The following CUX2 variants were observed in gnomAD, a reference collection of about 807,000 sequenced individuals.
CUX2 encodes the protein cut like homeobox 2.
In CUX2, 40 loss-of-function variants were observed where a neutral mutation model predicts 144.8. That is an observed-to-expected ratio of 0.28 (90% CI 0.21 to 0.36). The LOEUF (loss-of-function observed/expected upper bound fraction) is 0.36, where lower values mean the gene tolerates loss of function less well. Among genes scored for constraint, CUX2 ranks in the 10% least tolerant of loss-of-function variants. CUX2 has a pLI of 1.00. For synonymous variants in CUX2, 827 were observed against 875.6 expected (o/e 0.94, Z 0.98); for missense variants, 1,615 against 1,994.0 (o/e 0.81, Z 3.62).
intron 4 of CUX2, among the ~76,000 whole-genome samples, chr12:111,286,292 C>T (rs1296660075): frequency 1.3e-5 from 2 of 152,206 alleles, no homozygotes; most frequent in African/African-American, 4.8e-5. Flanking sequence ...CTCCCCCAGT[C>T]CTTAACCACC....
Position 111,304,631 on chromosome 12 carries a change from G to C in CUX2, c.858+317G>C, listed in dbSNP as rs2136358802. On this transcript the variant is annotated intron_variant, in intron 10 of 21. Coordinates refer to ENST00000261726, the MANE Select transcript of CUX2 (RefSeq NM_015267.4). This position sits in a 1 kb window ranked among gnomAD's most constrained non-coding sequence, Gnocchi z 4.7. ...TATCCCCAATTATCCAAGAATGCCA[G>C]GAACTTCCTCAGACCAAAGATCATT... Among the ~76,000 whole-genome samples the C allele has an allele frequency of 6.6e-6, 1 of 152,284 alleles. No individual in the cohort carries two copies. The highest frequency in any genetic ancestry group is 2.1e-4 in the South Asian group (1 of 4,828).
At chr12:111,104,277 T>C (rs904550403) in intron 1 of CUX2, among the ~76,000 whole-genome samples, 2 of 152,128 alleles carry the variant, frequency 1.3e-5, no homozygotes, top group African/African-American at 2.4e-5. Flanking sequence ...CCCCCTCACA[T>C]AGTATAAAAA....
chr12:111,098,694 G>C (rs1178672246), intron 1 of CUX2, among the ~76,000 whole-genome samples: 1 of 152,216 alleles, frequency 6.6e-6, no homozygotes, highest in African/African-American at 2.4e-5. Flanking sequence ...GCTCAGACAA[G>C]AGCAGGAAGC....
chr12:111,275,548 C>T (rs1884833250), intron 4 of CUX2, among the ~76,000 whole-genome samples: 1 of 152,164 alleles, frequency 6.6e-6, no homozygotes, highest in African/African-American at 2.4e-5. Context: ...ATCGCTGGCT[C>T]CAGGCAAGGA....
chr12:111,318,264 C>CT (rs1296845572), intron 16 of CUX2, among the ~76,000 whole-genome samples: 12 of 81,250 alleles, frequency 1.5e-4, no homozygotes, highest in African/African-American at 7.0e-4. Context: ...TTTTTTTTCA[C>CT]TTTTTTGTAG....
chr12:111,050,747 T>G (rs1223819292), intron 1 of CUX2, among the ~76,000 whole-genome samples: 1 of 152,252 alleles, frequency 6.6e-6, no homozygotes, highest in African/African-American at 2.4e-5. Flanking sequence ...TTTGGTCTCC[T>G]AATTTCTTCC....
At chr12:111,104,068 T>C (rs1167497273) in intron 1 of CUX2, among the ~76,000 whole-genome samples, 1 of 152,210 alleles carries the variant, frequency 6.6e-6, no homozygotes, top group Non-Finnish European at 1.5e-5. Context: ...GTGCTTTGAG[T>C]CCTGCCTAAG....
rs775470528 is a variant in CUX2 at position 111,334,730 on chromosome 12, C to T, written c.3196+20C>T. The stretch of plus-strand genomic sequence containing the variant: ...ATCTAGGTACGGAGCGGGTGGGAAT[C>T]GGAGAGGCTGCCTCCCACCTGGGTT... On this transcript the variant is annotated intron_variant, in intron 19 of 21. Coordinates refer to ENST00000261726, the MANE Select transcript of CUX2 (RefSeq NM_015267.4). The T allele has an allele frequency of 6.4e-6, 10 of 1,568,398 alleles. No individual in the cohort carries two copies. The highest frequency in any genetic ancestry group is 4.5e-5 in the East Asian group (2 of 44,280).
Position 111,327,857 on chromosome 12 carries a change from G to A in CUX2, c.2926+5277G>A, listed in dbSNP as rs1235673600. Among the ~76,000 whole-genome samples the A allele has an allele frequency of 2.0e-5, 3 of 152,100 alleles. No homozygotes were observed. The East Asian group carries it at 5.8e-4, about 29-fold the overall frequency. ...GGATCACTTGAGGTCAGGAGTTTGA[G>A]ACCAGCCTGACCAACATGGCAAAAC... On this transcript the variant is annotated intron_variant, in intron 18 of 21. Transcript: ENST00000261726.
chr12:111,127,965 C>A (rs529932133), intron 1 of CUX2, among the ~76,000 whole-genome samples: 1 of 152,132 alleles, frequency 6.6e-6, no homozygotes, highest in African/African-American at 2.4e-5. Flanking sequence ...TGGCCCTGCC[C>A]ATGACATGTG....
chr12:111,301,938 T>G (rs1886314973), intron 9 of CUX2, among the ~76,000 whole-genome samples: 1 of 152,202 alleles, frequency 6.6e-6, no homozygotes, highest in Non-Finnish European at 1.5e-5. Context: ...GAGTTGAATT[T>G]TCAAGGCTTG....
rs775000815 is a variant in CUX2 at position 111,308,533 on chromosome 12, G to A, written c.1258+7G>A. The A allele has an allele frequency of 7.5e-6, 12 of 1,603,836 alleles. No individual in the cohort carries two copies. The highest frequency in any genetic ancestry group is 1.7e-4 in the Middle Eastern group (1 of 6,044). ...AGCCTCCTGGCCAGCCCTGGTAGGG[G>A]AGGAGGATACTCTGGGGCTGAGGGC... On this transcript the variant is annotated splice_region_variant and intron_variant, in intron 14 of 21. Coordinates refer to ENST00000261726, the MANE Select transcript of CUX2 (RefSeq NM_015267.4).
At chr12:111,337,427 A>G (rs754447585) in intron 19 of CUX2, among the ~76,000 whole-genome samples, 17 of 151,998 alleles carry the variant, frequency 1.1e-4, no homozygotes, top group Non-Finnish European at 1.8e-4. Flanking sequence ...GAATAATTCT[A>G]TTACCCGCAT....
chr12:111,126,110 C>CT lies in CUX2; in HGVS notation c.64-88074dup, dbSNP rs869221391. ...CATGGAGGCTGAGAAGTCCCGAGGT[C>CT]TTTTTTTTTTTTTTTTAAGATGGAG... On this transcript the variant is annotated intron_variant, in intron 1 of 21. Transcript: ENST00000261726. 6.7e-3 allele frequency among the ~76,000 whole-genome samples: 877 copies of CT among 131,618 alleles called. 5 individuals are homozygous for CT. The highest frequency in any genetic ancestry group is 0.019 in the African/African-American group (684 of 35,274). The allele number at this position is 131,618 out of a possible 152,430, so 86.3% of individuals were successfully genotyped here.
chr12:111,205,809 T>C (rs1266634953), intron 1 of CUX2, among the ~76,000 whole-genome samples: 1 of 152,232 alleles, frequency 6.6e-6, no homozygotes, highest in African/African-American at 2.4e-5. Context: ...CTGTGAACCA[T>C]GTCACTGTTT....
chr12:111,268,199 T>G (rs1338417788), intron 4 of CUX2, among the ~76,000 whole-genome samples: 2 of 140,066 alleles, frequency 1.4e-5, no homozygotes, highest in Non-Finnish European at 3.0e-5. Context: ...AAAGACACTT[T>G]GGTTTTTGTT....
chr12:111,314,657 AAAAAAAAAAAAC>A (rs1212146734), intron 16 of CUX2, among the ~76,000 whole-genome samples: 5,856 of 138,582 alleles, frequency 0.042, 188 homozygotes, highest in South Asian at 0.086. Context: ...AAAAAAAAAA[AAAAAAAAAAAAC>A]CCCATCTCCT....
intron 5 of CUX2, among the ~76,000 whole-genome samples, chr12:111,292,950 C>A (rs924745076): frequency 2.0e-5 from 3 of 152,070 alleles, no homozygotes; most frequent in African/African-American, 4.8e-5. Flanking sequence ...TGGTAAAACC[C>A]CATCTCTACT....
chr12:111,162,939 G>C (rs776982355), intron 1 of CUX2, among the ~76,000 whole-genome samples: 2 of 151,958 alleles, frequency 1.3e-5, no homozygotes, highest in Admixed American at 1.3e-4. Flanking sequence ...CCAGCTGCTC[G>C]GGAGGCTGAG....
Sources: allele counts gnomAD v4.1 joint callset (sites outside exome capture counted in the v4.1 genomes callset), GRCh38; gene constraint gnomAD v4.1.1; non-coding constraint Gnocchi (gnomAD v3.1); transcripts MANE v1.5; gene names NCBI Gene and HGNC (gene_info 2026-07-23, HGNC 2026-07-21).